The following RBFOX2 variants were observed in gnomAD, a reference collection of about 807,000 sequenced individuals.
The protein encoded by RBFOX2 is RNA binding protein fox-1 homolog 2.
Under a neutral mutation model 49.1 loss-of-function variants are expected in RBFOX2, and 10 were observed. The observed-to-expected ratio is 0.20, with a 90% confidence interval of 0.13 to 0.35. The LOEUF is 0.35. RBFOX2 is among the 10% of genes least tolerant of loss of function. The probability of loss-of-function intolerance (pLI) is 1.00; values close to 1 mark genes in which losing one functional copy is unlikely to be tolerated. For synonymous variants in RBFOX2, 183 were observed against 187.4 expected (o/e 0.98, Z 0.19); for missense variants, 323 against 486.9 (o/e 0.66, Z 3.17).
intron 1 of RBFOX2, among the ~76,000 whole-genome samples, chr22:35,899,285 G>A (rs1300269129): frequency 6.6e-6 from 1 of 151,844 alleles, no homozygotes; most frequent in Non-Finnish European, 1.5e-5. Context: ...GTTTAAATAT[G>A]TCACAAAAAC....
chr22:36,015,455 C>A (rs1004240899), intron 1 of RBFOX2, among the ~76,000 whole-genome samples: 1 of 152,210 alleles, frequency 6.6e-6, no homozygotes, highest in African/African-American at 2.4e-5. Flanking sequence ...GTCTTCAAAC[C>A]CACTGTGCCA....
chr22:35,994,758 T>A (rs2058119528), intron 1 of RBFOX2: 1 of 152,078 alleles, frequency 6.6e-6, no homozygotes, highest in Admixed American at 6.6e-5. Flanking sequence ...GGTCTCACTT[T>A]GTTGCCCAAG....
intron 1 of RBFOX2, among the ~76,000 whole-genome samples, chr22:35,877,267 T>A (rs1455185813): frequency 6.6e-6 from 1 of 151,608 alleles, no homozygotes; most frequent in Non-Finnish European, 1.5e-5. Flanking sequence ...AAGTACTTGC[T>A]AAAAGGACAG....
At chr22:35,874,606 T>C (rs186200038) in intron 1 of RBFOX2, among the ~76,000 whole-genome samples, 84 of 152,134 alleles carry the variant, frequency 5.5e-4, no homozygotes, top group Admixed American at 5.0e-3. Flanking sequence ...ATGGAAGTAA[T>C]AGTGATTAAG....
chr22:35,930,565 C>T (rs879350307), intron 1 of RBFOX2, among the ~76,000 whole-genome samples: 12 of 152,098 alleles, frequency 7.9e-5, no homozygotes, highest in Admixed American at 7.2e-4. Flanking sequence ...CGCAGTGGCT[C>T]ATACCTGTAA....
chr22:36,001,434 A>G (rs560636227), intron 1 of RBFOX2, among the ~76,000 whole-genome samples: 1 of 152,168 alleles, frequency 6.6e-6, no homozygotes, highest in Non-Finnish European at 1.5e-5. Flanking sequence ...GATTTGTAGA[A>G]ATGTTTTTTT....
At chr22:35,835,083 C>G (rs548081244) in intron 1 of RBFOX2, among the ~76,000 whole-genome samples, 2 of 152,042 alleles carry the variant, frequency 1.3e-5, no homozygotes, top group African/African-American at 4.8e-5. Flanking sequence ...GTGCTACAAT[C>G]AAAAGAGCAA....
intron 1 of RBFOX2, among the ~76,000 whole-genome samples, chr22:35,848,660 A>AT (rs1431425878): frequency 6.6e-6 from 1 of 152,228 alleles, no homozygotes; most frequent in Non-Finnish European, 1.5e-5. Flanking sequence ...ATAGGTGCTA[A>AT]TTATTAGAGA....
intron 1 of RBFOX2, among the ~76,000 whole-genome samples, chr22:35,837,884 A>C (rs994961194): frequency 2.6e-5 from 4 of 152,114 alleles, no homozygotes; most frequent in Non-Finnish European, 4.4e-5. Context: ...TTTAAATACT[A>C]ATTATTACGA....
intron 1 of RBFOX2, among the ~76,000 whole-genome samples, chr22:35,852,486 T>TAA (rs576605291): frequency 1.7e-4 from 22 of 128,980 alleles, no homozygotes; most frequent in East Asian, 1.1e-3. Flanking sequence ...CCTTTCTTTT[T>TAA]AAAAAAAAAA....
chr22:35,899,882 A>G (rs1364550386), intron 1 of RBFOX2, among the ~76,000 whole-genome samples: 1 of 152,182 alleles, frequency 6.6e-6, no homozygotes, highest in Non-Finnish European at 1.5e-5. Context: ...AGCACTAAAG[A>G]AAGTCTTCTG....
At chr22:36,014,478 T>C (rs1220268454) in intron 1 of RBFOX2, among the ~76,000 whole-genome samples, 1 of 152,192 alleles carries the variant, frequency 6.6e-6, no homozygotes, top group African/African-American at 2.4e-5. Context: ...AATAATTTCC[T>C]AACTTAAAAC....
At position 35,792,330 on chromosome 22, in the gene RBFOX2, AAAAAGAAAAGAAAAGAAAAG is replaced by A. The variant is rs1193695072; in HGVS notation, c.253-10604_253-10585del. 7.3e-5 allele frequency among the ~76,000 whole-genome samples: 10 copies of A among 136,430 alleles called. 1 individual carries two copies. Among genetic ancestry groups the A allele is most frequent in the Admixed American group, 1.5e-4 (2 of 13,406 alleles). The allele number at this position is 136,430 out of a possible 152,430, so 89.5% of individuals were successfully genotyped here. ...AACTCCGTCTCAAAAAAAAAAAAAA[AAAAAGAAAAGAAAAGAAAAG>A]AAAAGAAAAGAAAAGAAAAAGAAAA... On this transcript the variant is annotated intron_variant, in intron 2 of 11. Transcript: ENST00000405409.
At chr22:35,927,094 C>G (rs1480264329) in intron 1 of RBFOX2, among the ~76,000 whole-genome samples, 1 of 152,094 alleles carries the variant, frequency 6.6e-6, no homozygotes, top group Non-Finnish European at 1.5e-5. Flanking sequence ...TCTCTTGGAT[C>G]CAAACTTTAT....
At chr22:35,928,340 C>T (rs1299832336) in intron 1 of RBFOX2, among the ~76,000 whole-genome samples, 1 of 152,078 alleles carries the variant, frequency 6.6e-6, no homozygotes, top group Non-Finnish European at 1.5e-5. Flanking sequence ...AAATAAAAGC[C>T]AATGAACCTA....
intron 3 of RBFOX2, 50 bp from the exon 5 acceptor site, chr22:35,778,128 C>T (rs374627221): frequency 1.9e-5 from 27 of 1,444,724 alleles, no homozygotes; most frequent in Non-Finnish European, 2.5e-5. Context: ...TTTTTATCCA[C>T]ATATTTTGTT....
At chr22:35,913,525 CATT>C (rs1479547557) in intron 1 of RBFOX2, among the ~76,000 whole-genome samples, 1 of 145,640 alleles carries the variant, frequency 6.9e-6, no homozygotes, top group Non-Finnish European at 1.5e-5. Flanking sequence ...ATAATTATAT[CATT>C]ATAATATGTG....
At position 36,025,586 on chromosome 22, in the gene RBFOX2, T is replaced by C. The variant is rs181007181; in HGVS notation, c.186+2654A>G. ...AGCTGCTTAATAAATGTTAGTTCAA[T>C]GAATAAACATTAAGTATATTCATGT... On this transcript the variant is annotated intron_variant, in intron 1 of 13. Transcript: ENST00000438146. Among the ~76,000 whole-genome samples the C allele has an allele frequency of 3.1e-3, 474 of 152,312 alleles. 4 individuals carry two copies. Among genetic ancestry groups the C allele is most frequent in the Non-Finnish European group, 3.3e-3 (224 of 68,028 alleles).
chr22:35,952,690 T>C (rs1429098249), intron 1 of RBFOX2, among the ~76,000 whole-genome samples: 3 of 152,240 alleles, frequency 2.0e-5, no homozygotes, highest in African/African-American at 7.2e-5. Context: ...CCCTGTCTTA[T>C]TGTGTTCTTC....
Sources: allele counts gnomAD v4.1 joint callset (sites outside exome capture counted in the v4.1 genomes callset), GRCh38; gene constraint gnomAD v4.1.1; transcripts MANE v1.5; gene names NCBI Gene and HGNC (gene_info 2026-07-23, HGNC 2026-07-21).